ALDOA: variants seen among roughly 807,000 people sequenced by gnomAD.
ALDOA encodes the protein aldolase, fructose-bisphosphate A.
A neutral mutation model predicts 43.9 loss-of-function variants in ALDOA; 26 were observed. That is an observed-to-expected ratio of 0.59 (90% CI 0.43 to 0.82). ALDOA has a LOEUF of 0.82. Among genes scored for constraint, ALDOA ranks in the 40% least tolerant of loss-of-function variants. ALDOA has a pLI of 0.00. For missense variants in ALDOA, 498 were observed against 549.5 expected, an observed-to-expected ratio of 0.91 and a Z score of 0.94; for synonymous variants, 258 against 222.6, an observed-to-expected ratio of 1.16 and a Z score of -1.42.
intron 1 of ALDOA, among the ~76,000 whole-genome samples, chr16:30,066,527 C>T (rs757037320): frequency 6.6e-5 from 10 of 152,242 alleles, no homozygotes; most frequent in Non-Finnish European, 1.0e-4. Flanking sequence ...GCTTTCCTCG[C>T]CTCGGGCTAG....
chr16:30,069,689 A>G lies in ALDOA; in HGVS notation c.961+16A>G. On this transcript the variant is annotated intron_variant, in intron 8 of 9. Coordinates refer to ENST00000642816, the MANE Select transcript of ALDOA (RefSeq NM_001243177.4). ...GCTGTCACTGGTGAGGCCCACACTC[A>G]TCTTGATCTCTATGCAGTAGATAAG... 6.2e-7 allele frequency: 1 copy of G among 1,613,128 alleles called. No homozygotes were observed. The highest frequency in any genetic ancestry group is 8.5e-7 in the Non-Finnish European group (1 of 1,179,924).
At position 30,069,632 on chromosome 16, in the gene ALDOA, C is replaced by T. The variant is rs1259356725; in HGVS notation, c.920C>T (p.Thr307Ile). 1 of 1,613,782 alleles carries T rather than the reference C, an allele frequency of 6.2e-7. No homozygotes were observed. The highest frequency in any genetic ancestry group is 8.5e-7 in the Non-Finnish European group (1 of 1,180,028). ...KFSHEEIAMATVTALRRTVPP... is the reference protein window; with the variant it reads ...KFSHEEIAMAIVTALRRTVPP... The stretch of plus-strand genomic sequence containing the variant: ...TCTCATGAGGAGATTGCCATGGCGA[C>T]CGTCACAGCGCTGCGCCGCACAGTG... The change falls in exon 8 of 10, where the codon ACC becomes ATC. Residue 307 changes from threonine (T) to isoleucine (I), a missense_variant. Transcript: ENST00000642816.
At chr16:30,068,744 AG>A in intron 5 of ALDOA, 44 bp downstream of exon 5, 1 of 1,614,084 alleles carries the variant, frequency 6.2e-7, no homozygotes, top group Non-Finnish European at 8.5e-7. Context: ...CAACCAGAGC[AG>A]GTTTGGGTGC....
intron 2 of ALDOA, 84 bp downstream of exon 2, chr16:30,067,122 G>A (rs985178439): frequency 1.3e-6 from 2 of 1,575,962 alleles, no homozygotes; most frequent in African/African-American, 2.7e-5. Context: ...CTGGGTGTGG[G>A]GCAGGGGAGG....
rs776760013 is a variant in ALDOA, at chr16:30,068,864, A to C, written c.588A>C (p.Gly196=). 6.2e-7 allele frequency: 1 copy of C among 1,614,226 alleles called. No homozygotes were observed. The highest frequency in any genetic ancestry group is 1.7e-5 in the Admixed American group (1 of 60,020). ...GCTGTGCCCAGTACAAGAAGGACGG[A>C]GCTGACTTCGCCAAGTGGCGTTGTG... ...SERCAQYKKD[G]ADFAKWRCVL... Residue 196 remains glycine, a synonymous_variant, in exon 6 of 10, where the codon GGA becomes GGC. Coordinates refer to ENST00000642816, the MANE Select transcript of ALDOA (RefSeq NM_001243177.4).
upstream of ALDOA, chr16:30,064,483 G>T (rs950450476): frequency 1.5e-5 from 6 of 398,582 alleles, no homozygotes; most frequent in African/African-American, 1.2e-4. Context: ...GATTTCCAAG[G>T]AAGAATTTCC....
At chr16:30,067,981 G>C (rs1032093272) in intron 4 of ALDOA, 1 of 412,202 alleles carries the variant, frequency 2.4e-6, no homozygotes, top group East Asian at 4.9e-5. Flanking sequence ...CTGTCTCAGA[G>C]GATTGTTACT....
chr16:30,069,116 G>C, intron 6 of ALDOA, 138 bp downstream of exon 6: 1 of 1,440,066 alleles, frequency 6.9e-7, no homozygotes, highest in Non-Finnish European at 9.6e-7. Context: ...CTCAAGGGCT[G>C]TTGAAGGCAG....
rs764176104 is a variant in ALDOA at position 30,069,919 on chromosome 16, G to T, written c.1051G>T (p.Ala351Ser). The T allele has an allele frequency of 6.2e-7, 1 of 1,614,096 alleles. No individual in the cohort carries two copies. Among genetic ancestry groups the T allele is most frequent in the Non-Finnish European group, 8.5e-7 (1 of 1,180,028 alleles). Reference sequence around the variant, plus strand: ...CAAGTGCCCCCTGCTGAAGCCCTGGGCCCTGACCTTCTCCTACGGCCGAGC... The same window carrying T: ...CAAGTGCCCCCTGCTGAAGCCCTGGTCCCTGACCTTCTCCTACGGCCGAGC... ...INKCPLLKPW[A>S]LTFSYGRALQ... The change falls in exon 9 of 10, where the codon GCC (alanine) becomes TCC (serine). Residue 351 changes from alanine (A) to serine (S), a missense_variant. Physicochemically the swap from Ala to Ser is moderately conservative, Grantham distance 99. Transcript: ENST00000642816.
In ALDOA at chr16:30,069,569, A is replaced by G; in HGVS notation, c.857A>G (p.Asn286Ser). 1.2e-6 allele frequency: 2 copies of G among 1,614,102 alleles called. No individual in the cohort carries two copies. The highest frequency in any genetic ancestry group is 8.5e-7 in the Non-Finnish European group (1 of 1,180,014). The change falls in exon 8 of 10, where the codon AAC becomes AGC. Residue 286 changes from asparagine to serine, a missense_variant. By Grantham distance (46) the Asn-to-Ser change is conservative. Coordinates refer to ENST00000642816, the MANE Select transcript of ALDOA (RefSeq NM_001243177.4). Reference sequence around the variant, plus strand: ...CTGGAAGGCACCTTGCTGAAGCCCAACATGGTCACCCCAGGCCATGCTTGC... The same window carrying G: ...CTGGAAGGCACCTTGCTGAAGCCCAGCATGGTCACCCCAGGCCATGCTTGC... ...IYLEGTLLKP[N>S]MVTPGHACTQ...
chr16:30,068,427 A>C (rs1020117795), intron 4 of ALDOA: 2 of 626,728 alleles, frequency 3.2e-6, no homozygotes, highest in Non-Finnish European at 2.9e-6. Context: ...GATGCAGTTT[A>C]AGGGATTAAG....
At position 30,069,997 on chromosome 16, in the gene ALDOA, G is replaced by A. The variant is rs148828956; in HGVS notation, c.1129G>A (p.Ala377Thr). ...AWGGKKENLK[A>T]AQEEYVKRAL... Reference sequence around the variant, plus strand: ...GGGCGGGAAGAAGGAGAACCTGAAGGCTGCGCAGGAGGAGTATGTCAAGCG... The same window carrying A: ...GGGCGGGAAGAAGGAGAACCTGAAGACTGCGCAGGAGGAGTATGTCAAGCG... The change falls in exon 9 of 10, where the codon GCT (alanine) becomes ACT (threonine). Residue 377 changes from alanine to threonine, a missense_variant. Physicochemically the swap from Ala to Thr is moderately conservative, Grantham distance 58. Transcript: ENST00000642816. 11 of 1,613,736 alleles carry A rather than the reference G, an allele frequency of 6.8e-6. No individual in the cohort carries two copies. The highest frequency in any genetic ancestry group is 4.0e-5 in the African/African-American group (3 of 74,922).
rs146976414 is a variant in ALDOA, at chr16:30,067,550, C to G, written c.375C>G (p.Asn125Lys). The G allele has an allele frequency of 1.1e-4, 178 of 1,613,822 alleles. No individual in the cohort carries two copies. Among genetic ancestry groups the G allele is most frequent in the Non-Finnish European group, 1.4e-4 (169 of 1,180,036 alleles). ...TGCTGACAGCTGACGACCGCGTGAA[C>G]CCCTGCATTGGGGGTGTCATCCTCT... ...QLLLTADDRV[N>K]PCIGGVILFH... The change falls in exon 4 of 10, where the codon AAC becomes AAG. Residue 125 changes from asparagine (N) to lysine (K), a missense_variant. By Grantham distance (94) the Asn-to-Lys change is moderately conservative. Transcript: ENST00000642816.
At position 30,069,819 on chromosome 16, in the gene ALDOA, C is replaced by G; in HGVS notation, c.962-11C>G. ...GACCACAGCCCCTCTCGCCTCACCC[C>G]TGCTCTACAGGGATCACCTTCCTGT... On this transcript the variant is annotated splice_polypyrimidine_tract_variant and intron_variant, in intron 8 of 9. Transcript: ENST00000642816. 2 of 1,614,140 alleles carry G rather than the reference C, an allele frequency of 1.2e-6. No homozygotes were observed. Among genetic ancestry groups the G allele is most frequent in the African/African-American group, 1.3e-5 (1 of 75,054 alleles).
At position 30,067,478 on chromosome 16, in the gene ALDOA, T is replaced by C. The variant is rs1596810187; in HGVS notation, c.303T>C (p.Ile101=). ...GCATTGCCAAGCGGCTGCAGTCCAT[T>C]GGCACCGAGAACACCGAGGAGAACC... ...TGSIAKRLQS[I]GTENTEENRR... Residue 101 remains isoleucine (I), a synonymous_variant, in exon 4 of 10, where the codon ATT becomes ATC. Transcript: ENST00000642816. 2 of 1,613,144 alleles carry C rather than the reference T, an allele frequency of 1.2e-6. No individual in the cohort carries two copies. Among genetic ancestry groups the C allele is most frequent in the South Asian group, 2.2e-5 (2 of 91,068 alleles).
rs1596811668 is a variant in ALDOA, at chr16:30,067,922, C to T, written c.486+261C>T. On this transcript the variant is annotated intron_variant, in intron 4 of 9. Coordinates refer to ENST00000642816, the MANE Select transcript of ALDOA (RefSeq NM_001243177.4). ...AGTAAGTGGCAGAGCCCCAGTCTGA[C>T]ACCCAATTCACTCAACATTTCTGTT... 4 of 541,478 alleles carry T rather than the reference C, an allele frequency of 7.4e-6. No homozygotes were observed. The East Asian group carries it at 1.3e-4, about 18-fold the overall frequency. The allele number at this position is 541,478 out of a possible 1,614,324, so 33.5% of individuals were successfully genotyped here.
Position 30,069,484 on chromosome 16 carries a change from C to G in ALDOA, c.787-15C>G, listed in dbSNP as rs920112127. 4 of 1,613,982 alleles carry G rather than the reference C, an allele frequency of 2.5e-6. No individual in the cohort carries two copies. Among genetic ancestry groups the G allele is most frequent in the Non-Finnish European group, 3.4e-6 (4 of 1,180,036 alleles). ...CCTCCACCCCACTACCCACCGTGCG[C>G]CTGCTCTGCTCCAGGTGCTGGCTGC... On this transcript the variant is annotated splice_polypyrimidine_tract_variant and intron_variant, in intron 7 of 9. Transcript: ENST00000642816.
chr16:30,067,894 C>T lies in ALDOA; in HGVS notation c.486+233C>T, dbSNP rs144673637. 9 of 590,154 alleles carry T rather than the reference C, an allele frequency of 1.5e-5. No homozygotes were observed. The East Asian group carries it at 2.7e-4, about 18-fold the overall frequency. The allele number at this position is 590,154 out of a possible 1,614,324, so 36.6% of individuals were successfully genotyped here. A position where few individuals can be genotyped will look rare whatever the true frequency, so the allele number is the denominator to read the frequency against. On this transcript the variant is annotated intron_variant, in intron 4 of 9. Coordinates refer to ENST00000642816, the MANE Select transcript of ALDOA (RefSeq NM_001243177.4). ...GCTCAGGGAAGTGAAGTGTTTTGCT[C>T]AGAGTAAGTGGCAGAGCCCCAGTCT...
At position 30,069,516 on chromosome 16, in the gene ALDOA, C is replaced by T. The variant is rs546577561; in HGVS notation, c.804C>T (p.Tyr268=). The change falls in exon 8 of 10, where the codon TAC becomes TAT. Residue 268 remains tyrosine (Y), a synonymous_variant. Transcript: ENST00000642816. Reference sequence around the variant, plus strand: ...TGCTCCAGGTGCTGGCTGCTGTCTACAAGGCTCTGAGTGACCACCACATCT... The same window carrying T: ...TGCTCCAGGTGCTGGCTGCTGTCTATAAGGCTCTGAGTGACCACCACATCT... The part of the protein sequence containing the change: ...YVTEKVLAAV[Y]KALSDHHIYL... The T allele has an allele frequency of 1.5e-5, 24 of 1,614,126 alleles. No homozygotes were observed. In the East Asian group the frequency reaches 3.3e-4, roughly 22 times the overall value.
Sources: gnomAD v4.1 joint callset for allele counts (sites outside exome capture counted in the v4.1 genomes callset) on GRCh38, gnomAD v4.1.1 for gene constraint, MANE v1.5 for transcripts, NCBI Gene and HGNC (gene_info 2026-07-23, HGNC 2026-07-21) for gene names.